INPP5A: variants seen among roughly 807,000 people sequenced by gnomAD.
INPP5A encodes the protein 43 kDa inositol polyphosphate 5-phophatase.
Under a neutral mutation model 65.2 loss-of-function variants are expected in INPP5A, and 14 were observed. That is an observed-to-expected ratio of 0.21 (90% confidence interval 0.14 to 0.34). The LOEUF (loss-of-function observed/expected upper bound fraction) is 0.34, where lower values mean the gene tolerates loss of function less well. Among genes scored for constraint, INPP5A ranks in the 10% least tolerant of loss-of-function variants. The pLI, the probability that INPP5A is intolerant of heterozygous loss-of-function variation, is 1.00. For synonymous variants in INPP5A, 207 were observed against 208.3 expected (o/e 0.99, Z 0.05); for missense variants, 431 against 545.6 (o/e 0.79, Z 2.09).
rs1195778904 is a variant in INPP5A at position 132,551,322 on chromosome 10, C to G, written c.75+13151C>G. Among the ~76,000 whole-genome samples, 1 of 152,208 alleles carries G rather than the reference C, an allele frequency of 6.6e-6. No individual in the cohort carries two copies. Among genetic ancestry groups the G allele is most frequent in the Non-Finnish European group, 1.5e-5 (1 of 68,046 alleles). On this transcript the variant is annotated intron_variant, in intron 1 of 15. Coordinates refer to ENST00000368594, the MANE Select transcript of INPP5A (RefSeq NM_005539.5). The surrounding 1 kb of genome is among the most constrained non-coding windows in gnomAD (Gnocchi z 5.3). ...TGAAGCTGAGAACTGGGTTGACTGC[C>G]TGCTGCTTTGTTTCTTGCAAAGAGT...
intron 8 of INPP5A, among the ~76,000 whole-genome samples, chr10:132,725,407 C>G (rs1269632824): frequency 6.6e-6 from 1 of 152,242 alleles, no homozygotes; most frequent in African/African-American, 2.4e-5. Flanking sequence ...CCACTTGGCT[C>G]TCCAACCCGA....
At chr10:132,738,271 C>T (rs1192424699) in intron 9 of INPP5A, among the ~76,000 whole-genome samples, 2 of 152,232 alleles carry the variant, frequency 1.3e-5, no homozygotes, top group Admixed American at 6.5e-5. Context: ...CTGGAGACCC[C>T]GGACACTGTG....
chr10:132,737,417 CCG>C (rs1368987309), intron 9 of INPP5A, among the ~76,000 whole-genome samples: 429 of 146,138 alleles, frequency 2.9e-3, no homozygotes, highest in African/African-American at 0.011. Flanking sequence ...TCCTCTGCTG[CCG>C]TGGGTTAATG....
At chr10:132,774,029 T>G (rs1255227458) in intron 12 of INPP5A, among the ~76,000 whole-genome samples, 1 of 152,228 alleles carries the variant, frequency 6.6e-6, no homozygotes, top group Non-Finnish European at 1.5e-5. Context: ...CTCAAAATGC[T>G]GGGATGACAG....
At chr10:132,750,499 A>G (rs1846456153) in intron 11 of INPP5A, among the ~76,000 whole-genome samples, 2 of 152,214 alleles carry the variant, frequency 1.3e-5, no homozygotes. Context: ...CTTCCCTTCA[A>G]GGGATCAGTG....
chr10:132,775,335 C>G (rs1019160577), intron 12 of INPP5A, among the ~76,000 whole-genome samples: 1 of 151,992 alleles, frequency 6.6e-6, no homozygotes, highest in Non-Finnish European at 1.5e-5. Flanking sequence ...TGTGCCTCCC[C>G]CCCCACCCAG....
chr10:132,754,883 G>T (rs3793683), intron 11 of INPP5A, among the ~76,000 whole-genome samples: 91,563 of 152,102 alleles, frequency 0.6, 28,358 homozygotes, highest in East Asian at 0.87. Context: ...GTGGATATGT[G>T]TGTGAGCAGG....
In INPP5A at chr10:132,698,720, C is replaced by T. The variant is rs1321180256; in HGVS notation, c.474+801C>T. Among the ~76,000 whole-genome samples the T allele has an allele frequency of 1.3e-5, 2 of 152,146 alleles. No individual in the cohort carries two copies. Among genetic ancestry groups the T allele is most frequent in the South Asian group, 2.1e-4 (1 of 4,830 alleles). ...TGAGACGGAAGAGCTGGCAGCTGGA[C>T]GCAGGTTTGGGGGCGTCCAGGCTGT... On this transcript the variant is annotated intron_variant, in intron 6 of 15. Coordinates refer to ENST00000368594, the MANE Select transcript of INPP5A (RefSeq NM_005539.5). This position sits in a 1 kb window ranked among gnomAD's most constrained non-coding sequence, Gnocchi z 5.5.
intron 2 of INPP5A, among the ~76,000 whole-genome samples, chr10:132,633,235 T>C (rs559398376): frequency 3.9e-5 from 6 of 152,316 alleles, no homozygotes; most frequent in Admixed American, 3.9e-4. Context: ...GGCGAGGTGC[T>C]TGAATCCTGG....
chr10:132,736,324 ACAC>A (rs1263418364), intron 9 of INPP5A, among the ~76,000 whole-genome samples: 1 of 152,248 alleles, frequency 6.6e-6, no homozygotes, highest in African/African-American at 2.4e-5. Context: ...GCCCGACCGC[ACAC>A]CACACCTGCC....
At chr10:132,640,953 T>C (rs2072420377) in intron 2 of INPP5A, among the ~76,000 whole-genome samples, 1 of 152,222 alleles carries the variant, frequency 6.6e-6, no homozygotes, top group African/African-American at 2.4e-5. Context: ...GGTTCAGTTT[T>C]TCCGCCGGGA....
chr10:132,708,540 G>A (rs756711110), intron 7 of INPP5A, 175 bp downstream of exon 7: 44 of 762,948 alleles, frequency 5.8e-5, no homozygotes, highest in Admixed American at 1.8e-4. Context: ...CGATGCATTC[G>A]GAGCATTGTC....
At chr10:132,558,283 G>A (rs529315982) in intron 1 of INPP5A, among the ~76,000 whole-genome samples, 3 of 152,148 alleles carry the variant, frequency 2.0e-5, no homozygotes, top group Non-Finnish European at 4.4e-5. Flanking sequence ...CGGCCCACGC[G>A]CTGAGCACGC....
At chr10:132,565,051 G>T (rs770541312) in intron 1 of INPP5A, among the ~76,000 whole-genome samples, 1 of 152,146 alleles carries the variant, frequency 6.6e-6, no homozygotes, top group Admixed American at 6.5e-5. Context: ...ATGTCCCTGC[G>T]TATTTTATAG....
At chr10:132,757,580 G>A (rs757123499) in intron 11 of INPP5A, among the ~76,000 whole-genome samples, 4 of 152,228 alleles carry the variant, frequency 2.6e-5, no homozygotes, top group Non-Finnish European at 5.9e-5. Flanking sequence ...TTCTCAGACC[G>A]TATCCCCGTC....
At chr10:132,758,884 C>T (rs1340054493) in intron 11 of INPP5A, among the ~76,000 whole-genome samples, 1 of 152,168 alleles carries the variant, frequency 6.6e-6, no homozygotes, top group East Asian at 1.9e-4. Context: ...GTCTCCTGAG[C>T]GTCGGGTTTC....
intron 4 of INPP5A, among the ~76,000 whole-genome samples, chr10:132,655,631 T>C (rs1564951579): frequency 6.6e-6 from 1 of 152,112 alleles, no homozygotes; most frequent in African/African-American, 2.4e-5. Context: ...TCGTTTAACG[T>C]CACCCGCATC....
intron 9 of INPP5A, among the ~76,000 whole-genome samples, chr10:132,748,152 C>G (rs748635251): frequency 3.9e-5 from 6 of 152,308 alleles, no homozygotes; most frequent in East Asian, 3.9e-4. Flanking sequence ...CAGTTCTAGA[C>G]TATCCCTCCA....
rs1590916335 is a variant in INPP5A, at chr10:132,675,866, C to T, written c.307-14526C>T. On this transcript the variant is annotated intron_variant, in intron 4 of 15. Coordinates refer to ENST00000368594, the MANE Select transcript of INPP5A (RefSeq NM_005539.5). This position sits in a 1 kb window ranked among gnomAD's most constrained non-coding sequence, Gnocchi z 4.2. ...GTAAACAGCTTGTGTTCAGTGTTGG[C>T]CATCTCTTAAAGTGCATTTTACTTT... 6.6e-6 allele frequency among the ~76,000 whole-genome samples: 1 copy of T among 152,256 alleles called. No individual in the cohort carries two copies. The highest frequency in any genetic ancestry group is 1.9e-4 in the East Asian group (1 of 5,184).
Sources: gnomAD v4.1 joint callset for allele counts (sites outside exome capture counted in the v4.1 genomes callset) on GRCh38, gnomAD v4.1.1 for gene constraint, Gnocchi (gnomAD v3.1) non-coding constraint, MANE v1.5 for transcripts, NCBI Gene and HGNC (gene_info 2026-07-23, HGNC 2026-07-21) for gene names.